Variants in NRG1 observed in about 807,000 individuals in gnomAD.
NRG1 encodes the protein pro-neuregulin-1, membrane-bound isoform.
A neutral mutation model predicts 63.8 loss-of-function variants in NRG1; 18 were observed. That is an observed-to-expected ratio of 0.28 (90% confidence interval 0.19 to 0.42). NRG1 has a LOEUF of 0.42. NRG1 is among the 10% of genes least tolerant of loss of function. The probability of loss-of-function intolerance (pLI) is 1.00; values close to 1 mark genes in which losing one functional copy is unlikely to be tolerated. For synonymous variants in NRG1, 302 were observed against 301.3 expected, an observed-to-expected ratio of 1.00 and a Z score of -0.02; for missense variants, 762 against 814.7, an observed-to-expected ratio of 0.94 and a Z score of 0.79.
At chr8:32,113,476 T>C (rs1311028888) in intron 1 of NRG1, among the ~76,000 whole-genome samples, 1 of 152,164 alleles carries the variant, frequency 6.6e-6, no homozygotes, top group Admixed American at 6.6e-5. Flanking sequence ...ACCATTTCCT[T>C]GGTTCCTCCA....
At chr8:31,879,003 A>G (rs1485020648) in intron 1 of NRG1, among the ~76,000 whole-genome samples, 6 of 149,190 alleles carry the variant, frequency 4.0e-5, no homozygotes, top group Non-Finnish European at 3.0e-5. Flanking sequence ...CCATCTCAAG[A>G]AAAAAAAAAC....
intron 1 of NRG1, among the ~76,000 whole-genome samples, chr8:32,181,918 C>A (rs796162007): frequency 6.6e-6 from 1 of 151,740 alleles, no homozygotes; most frequent in African/African-American, 2.4e-5. Flanking sequence ...TATAAATAAC[C>A]TTAACTAACA....
downstream of NRG1, among the ~76,000 whole-genome samples, chr8:32,771,075 T>C (rs1442286937): frequency 1.3e-5 from 2 of 152,084 alleles, no homozygotes; most frequent in Non-Finnish European, 2.9e-5. Context: ...CAAATAATAT[T>C]TAACTTTGTA....
At chr8:32,432,231 A>G (rs1818235188) in intron 1 of NRG1, among the ~76,000 whole-genome samples, 3 of 152,208 alleles carry the variant, frequency 2.0e-5, no homozygotes, top group Non-Finnish European at 4.4e-5. Context: ...ATTAGAGGAT[A>G]AAAGGATAGT....
intron 1 of NRG1, among the ~76,000 whole-genome samples, chr8:32,323,114 C>T (rs1702072710): frequency 6.6e-6 from 1 of 152,086 alleles, no homozygotes; most frequent in African/African-American, 2.4e-5. Flanking sequence ...AAAAAAGCCA[C>T]ATAAAATAGT....
At chr8:31,719,323 TTTAA>T (rs1812675175) in intron 1 of NRG1, among the ~76,000 whole-genome samples, 1 of 152,204 alleles carries the variant, frequency 6.6e-6, no homozygotes, top group Admixed American at 6.5e-5. Flanking sequence ...GTTTACATTC[TTTAA>T]TTAAATGGTC....
At chr8:32,212,489 A>C (rs1844798694) in intron 1 of NRG1, among the ~76,000 whole-genome samples, 1 of 152,182 alleles carries the variant, frequency 6.6e-6, no homozygotes, top group Non-Finnish European at 1.5e-5. Context: ...ATTTTAATTA[A>C]TTTTAATTTA....
At position 32,180,207 on chromosome 8, in the gene NRG1, G is replaced by A. The variant is rs192304622; in HGVS notation, c.38-415621G>A. On this transcript the variant is annotated intron_variant, in intron 1 of 10. Coordinates refer to the NRG1 transcript ENST00000519301. ...TGCAATTCTCCCTAAAACAATCTTC[G>A]TTTCTCTTACACATCTCATTCTCTA... Among the ~76,000 whole-genome samples, 24 of 152,066 alleles carry A rather than the reference G, an allele frequency of 1.6e-4. No individual in the cohort carries two copies. The East Asian group carries it at 3.7e-3, about 23-fold the overall frequency.
intron 1 of NRG1, among the ~76,000 whole-genome samples, chr8:31,783,564 C>A (rs1328299753): frequency 6.6e-6 from 1 of 151,306 alleles, no homozygotes; most frequent in Non-Finnish European, 1.5e-5. Flanking sequence ...GGCCAAAATG[C>A]CCTCAAAGGG....
At chr8:32,548,119 G>A (rs1478894536), upstream of NRG1, 2 of 731,420 alleles carry the variant, frequency 2.7e-6, no homozygotes, top group Non-Finnish European at 3.3e-6. Context: ...GGGAGGAAAA[G>A]GGGCTGCGCC....
intron 1 of NRG1, among the ~76,000 whole-genome samples, chr8:32,335,320 G>C (rs1803133185): frequency 6.6e-6 from 1 of 152,120 alleles, no homozygotes; most frequent in Non-Finnish European, 1.5e-5. Flanking sequence ...TTCAGTGTGG[G>C]TGAGCTTACC....
chr8:32,754,350 A>G lies in NRG1; in HGVS notation c.692-22A>G, dbSNP rs759647321. 2.5e-6 allele frequency: 4 copies of G among 1,610,384 alleles called. No homozygotes were observed. In the South Asian group the frequency reaches 4.4e-5, roughly 18 times the overall value. ...GCAAGTGGAAGTGACCTGTGATGAC[A>G]TCTGCTCTCATCCCTTTCCAGAGGC... On this transcript the variant is annotated intron_variant, in intron 7 of 11. Transcript: ENST00000356819.
chr8:31,796,414 CTTTTTTTTTTTTTTTTTTT>C lies in NRG1; in HGVS notation c.37+157001_37+157019del, dbSNP rs1158508289. Among the ~76,000 whole-genome samples, 22 of 43,376 alleles carry C rather than the reference CTTTTTTTTTTTTTTTTTTT, an allele frequency of 5.1e-4. 1 individual carries two copies. The highest frequency in any genetic ancestry group is 2.5e-3 in the South Asian group (2 of 802). The allele number at this position is 43,376 out of a possible 152,430, so 28.5% of individuals were successfully genotyped here. On this transcript the variant is annotated intron_variant, in intron 1 of 10. Coordinates refer to the NRG1 transcript ENST00000519301. ...ATAACCAAATAAGATGGCGTATAAT[CTTTTTTTTTTTTTTTTTTT>C]TTTTTTTTTTTTTTTTTGAGATGGA...
intron 1 of NRG1, among the ~76,000 whole-genome samples, chr8:31,845,985 T>C (rs1471007424): frequency 6.6e-6 from 1 of 152,142 alleles, no homozygotes; most frequent in Non-Finnish European, 1.5e-5. Context: ...TAAAAAGGCT[T>C]TATTACATTA....
chr8:32,595,840 G>C (rs3924999), exon 2 of NRG1: 3 of 1,603,318 alleles, frequency 1.9e-6, no homozygotes, highest in East Asian at 2.2e-5. Context: ...TTGCCTCCCC[G>C]ATTGAAAGAG....
intron 1 of NRG1, among the ~76,000 whole-genome samples, chr8:31,719,899 G>A (rs1244273715): frequency 1.3e-5 from 2 of 151,892 alleles, no homozygotes; most frequent in African/African-American, 4.8e-5. Context: ...TTTTTGGCAT[G>A]ATTTAGTAGG....
Position 31,904,773 on chromosome 8 carries a change from G to T in NRG1, c.37+265342G>T, listed in dbSNP as rs114901482. 7.1e-3 allele frequency among the ~76,000 whole-genome samples: 1,084 copies of T among 152,196 alleles called. 13 individuals carry two copies. Among genetic ancestry groups the T allele is most frequent in the African/African-American group, 0.024 (1,011 of 41,548 alleles). On this transcript the variant is annotated intron_variant, in intron 1 of 10. Coordinates refer to the NRG1 transcript ENST00000519301. ...CCATTATTCTAAGCAAACTAACACT[G>T]AAACAGAAAACCAAATGCTGAATGT...
At chr8:32,771,715 A>AAAAAATATATATATAT (rs1343943621), downstream of NRG1, among the ~76,000 whole-genome samples, 1 of 111,848 alleles carries the variant, frequency 8.9e-6, no homozygotes, top group African/African-American at 3.5e-5. Flanking sequence ...TTAAAAAAAA[A>AAAAAATATATATATAT]ATATATATAT....
intron 1 of NRG1, among the ~76,000 whole-genome samples, chr8:32,258,314 A>G (rs1045281195): frequency 6.6e-6 from 1 of 152,228 alleles, no homozygotes; most frequent in African/African-American, 2.4e-5. Flanking sequence ...GAATGATAAC[A>G]ATGATAACAG....
Sources: allele counts gnomAD v4.1 joint callset (sites outside exome capture counted in the v4.1 genomes callset), GRCh38; gene constraint gnomAD v4.1.1; transcripts MANE v1.5; gene names NCBI Gene and HGNC (gene_info 2026-07-23, HGNC 2026-07-21).